Variants in KIRREL3 observed in about 807,000 individuals in gnomAD.
The protein encoded by KIRREL3 is kirre like nephrin family adhesion molecule 3.
In KIRREL3, 36 loss-of-function variants were observed where a neutral mutation model predicts 89.7. The observed-to-expected ratio is 0.40, with a 90% CI of 0.31 to 0.53. KIRREL3 has a LOEUF of 0.53. KIRREL3 is among the 20% of genes least tolerant of loss of function. The pLI, the probability that KIRREL3 is intolerant of heterozygous loss-of-function variation, is 0.49. For missense variants in KIRREL3, 864 were observed against 1,056.6 expected (o/e 0.82, Z 2.53); for synonymous variants, 445 against 441.4 (o/e 1.01, Z -0.10).
Position 126,903,480 on chromosome 11 carries a change from A to G in KIRREL3, c.55+96975T>C, listed in dbSNP as rs1295928185. Among the ~76,000 whole-genome samples, 3 of 152,222 alleles carry G rather than the reference A, an allele frequency of 2.0e-5. No individual in the cohort carries two copies. The highest frequency in any genetic ancestry group is 4.4e-5 in the Non-Finnish European group (3 of 68,032). On this transcript the variant is annotated intron_variant, in intron 1 of 16. Coordinates refer to ENST00000525144, the MANE Select transcript of KIRREL3 (RefSeq NM_032531.4). The surrounding 1 kb of genome is among the most constrained non-coding windows in gnomAD (Gnocchi z 4.5). ...ATGAATTTGAAAACTCAGCAAAGCA[A>G]GGAGAGCTGAGCGTTTTTCCGACTT...
At chr11:126,937,057 C>A (rs1948219478) in intron 1 of KIRREL3, 1 of 152,140 alleles carries the variant, frequency 6.6e-6, no homozygotes, top group African/African-American at 2.4e-5. Flanking sequence ...TTCAGGAATA[C>A]CTCCTGCTGT....
intron 1 of KIRREL3, among the ~76,000 whole-genome samples, chr11:126,813,842 C>T (rs866236263): frequency 3.2e-4 from 48 of 150,540 alleles, no homozygotes; most frequent in African/African-American, 1.0e-3. Flanking sequence ...CCATTCAGAA[C>T]ATAGGCACAT....
chr11:126,768,114 A>T lies in KIRREL3; in HGVS notation c.56-205202T>A, dbSNP rs1213124219. Reference sequence around the variant, plus strand: ...CATTCATTATTTCATCCATCTGTCCATCCATCTGTCTATCCATCTATCCAT... The same window carrying T: ...CATTCATTATTTCATCCATCTGTCCTTCCATCTGTCTATCCATCTATCCAT... On this transcript the variant is annotated intron_variant, in intron 1 of 16. Coordinates refer to ENST00000525144, the MANE Select transcript of KIRREL3 (RefSeq NM_032531.4). The surrounding 1 kb of genome is among the most constrained non-coding windows in gnomAD (Gnocchi z 4.5). Among the ~76,000 whole-genome samples the T allele has an allele frequency of 1.3e-5, 2 of 151,280 alleles. No individual in the cohort carries two copies. The highest frequency in any genetic ancestry group is 4.9e-5 in the African/African-American group (2 of 40,940).
Position 126,520,980 on chromosome 11 carries a change from G to C in KIRREL3, c.433+335C>G, listed in dbSNP as rs1020929301. Among the ~76,000 whole-genome samples, 2 of 152,202 alleles carry C rather than the reference G, an allele frequency of 1.3e-5. No individual in the cohort carries two copies. Among genetic ancestry groups the C allele is most frequent in the African/African-American group, 4.8e-5 (2 of 41,464 alleles). On this transcript the variant is annotated intron_variant, in intron 4 of 16. Coordinates refer to ENST00000525144, the MANE Select transcript of KIRREL3 (RefSeq NM_032531.4). This position sits in a 1 kb window ranked among gnomAD's most constrained non-coding sequence, Gnocchi z 4.9. ...CCTGTGCCACATTCTTCCTGGCACG[G>C]AGCCTAGCCTAGATAACGTGTGCAG...
At position 126,528,772 on chromosome 11, in the gene KIRREL3, G is replaced by T. The variant is rs75419633; in HGVS notation, c.134-2085C>A. Among the ~76,000 whole-genome samples, 1 of 150,448 alleles carries T rather than the reference G, an allele frequency of 6.6e-6. No individual in the cohort carries two copies. On this transcript the variant is annotated intron_variant, in intron 2 of 16. Transcript: ENST00000525144. The surrounding 1 kb of genome is among the most constrained non-coding windows in gnomAD (Gnocchi z 4.6). ...AGGGAGGGACTGGAGAGAGAGCAAA[G>T]GAGTGAAGTGAGGACGTGGGAGAGA... is the stretch of plus-strand genomic sequence containing the variant.
At chr11:126,852,411 T>C (rs1944375334) in intron 1 of KIRREL3, among the ~76,000 whole-genome samples, 1 of 152,160 alleles carries the variant, frequency 6.6e-6, no homozygotes, top group African/African-American at 2.4e-5. Context: ...GGACCAATCA[T>C]CTAATCTCTC....
intron 1 of KIRREL3, among the ~76,000 whole-genome samples, chr11:126,582,414 T>C (rs976438379): frequency 1.3e-5 from 2 of 152,220 alleles, no homozygotes; most frequent in Non-Finnish European, 2.9e-5. Context: ...CGCATTCCCC[T>C]GATGCTGCCG....
chr11:126,963,720 G>A (rs1470716223), intron 1 of KIRREL3, among the ~76,000 whole-genome samples: 2 of 152,080 alleles, frequency 1.3e-5, no homozygotes, highest in African/African-American at 4.8e-5. Flanking sequence ...CTACACTTAT[G>A]AAATGTGTTT....
chr11:126,961,439 A>C (rs1949083958), intron 1 of KIRREL3, among the ~76,000 whole-genome samples: 1 of 152,194 alleles, frequency 6.6e-6, no homozygotes, highest in African/African-American at 2.4e-5. Flanking sequence ...TAGAAGATGA[A>C]ATCAACCACA....
In KIRREL3 at chr11:126,528,232, C is replaced by A. The variant is rs924026726; in HGVS notation, c.134-1545G>T. ...GCTGCTGATGCTGTGGCCTCTCCTC[C>A]CCAACCCGGGAGAGTCAGGGGCAGC... On this transcript the variant is annotated intron_variant, in intron 2 of 16. Coordinates refer to ENST00000525144, the MANE Select transcript of KIRREL3 (RefSeq NM_032531.4). The surrounding 1 kb of genome is among the most constrained non-coding windows in gnomAD (Gnocchi z 4.6). Among the ~76,000 whole-genome samples the A allele has an allele frequency of 6.6e-6, 1 of 152,230 alleles. No individual in the cohort carries two copies. Among genetic ancestry groups the A allele is most frequent in the African/African-American group, 2.4e-5 (1 of 41,448 alleles).
Position 126,740,044 on chromosome 11 carries a change from GAAGA to G in KIRREL3, c.56-177136_56-177133del, listed in dbSNP as rs978536865. Among the ~76,000 whole-genome samples the G allele has an allele frequency of 1.3e-5, 2 of 152,136 alleles. No individual in the cohort carries two copies. The highest frequency in any genetic ancestry group is 4.8e-5 in the African/African-American group (2 of 41,440). On this transcript the variant is annotated intron_variant, in intron 1 of 16. Coordinates refer to ENST00000525144, the MANE Select transcript of KIRREL3 (RefSeq NM_032531.4). This position sits in a 1 kb window ranked among gnomAD's most constrained non-coding sequence, Gnocchi z 6.0. ...GGAGGGAGGGGGCAGAGAAAGAAAG[GAAGA>G]AAGAAAGAAACAGCTGATTTAAAAT...
At chr11:126,442,556 T>C (rs1015199840) in intron 10 of KIRREL3, among the ~76,000 whole-genome samples, 3 of 152,204 alleles carry the variant, frequency 2.0e-5, no homozygotes, top group Non-Finnish European at 4.4e-5. Flanking sequence ...TGTGCCAATT[T>C]CTTTCCCAAA....
intron 1 of KIRREL3, among the ~76,000 whole-genome samples, chr11:126,619,176 G>A (rs981273512): frequency 2.0e-5 from 3 of 152,258 alleles, no homozygotes; most frequent in Admixed American, 6.5e-5. Flanking sequence ...TAGCAACTGA[G>A]TTGAGATCTG....
chr11:126,867,716 A>G lies in KIRREL3; in HGVS notation c.55+132739T>C, dbSNP rs1200977874. 6.6e-6 allele frequency among the ~76,000 whole-genome samples: 1 copy of G among 152,230 alleles called. No homozygotes were observed. Among genetic ancestry groups the G allele is most frequent in the African/African-American group, 2.4e-5 (1 of 41,470 alleles). On this transcript the variant is annotated intron_variant, in intron 1 of 16. Transcript: ENST00000525144. The surrounding 1 kb of genome is among the most constrained non-coding windows in gnomAD (Gnocchi z 4.7). ...TGGATACTTATTTAAAGCTACATTC[A>G]GCTAGGATGTAAGTTGGCCAGAATC...
At chr11:126,634,410 A>G (rs879164) in intron 1 of KIRREL3, among the ~76,000 whole-genome samples, 21,755 of 152,178 alleles carry the variant, frequency 0.14, 1,727 homozygotes, top group East Asian at 0.32. Context: ...TGCTCATCAC[A>G]ATACCATAGT....
chr11:126,663,348 G>T (rs1253107241), intron 1 of KIRREL3, among the ~76,000 whole-genome samples: 2 of 151,872 alleles, frequency 1.3e-5, no homozygotes, highest in Non-Finnish European at 2.9e-5. Context: ...ACCACACCCG[G>T]CTAATTTTTT....
Position 126,893,995 on chromosome 11 carries a change from G to C in KIRREL3, c.55+106460C>G, listed in dbSNP as rs189565106. ...TGTGGCTGTAGATAATGAGATGGCG[G>C]GTATGACAGTGTTGAGATTCAAGCA... On this transcript the variant is annotated intron_variant, in intron 1 of 16. Transcript: ENST00000525144. Among the ~76,000 whole-genome samples the C allele has an allele frequency of 6.6e-3, 1,003 of 152,234 alleles. 8 individuals are homozygous for C. The highest frequency in any genetic ancestry group is 0.022 in the African/African-American group (908 of 41,548).
At chr11:126,801,660 G>A (rs757902648) in intron 1 of KIRREL3, among the ~76,000 whole-genome samples, 16 of 152,152 alleles carry the variant, frequency 1.1e-4, no homozygotes, top group East Asian at 1.9e-4. Flanking sequence ...CCATTTCTTC[G>A]TCTGTGAGAT....
chr11:126,721,934 G>A (rs1592019843), intron 1 of KIRREL3, among the ~76,000 whole-genome samples: 2 of 152,192 alleles, frequency 1.3e-5, no homozygotes, highest in Non-Finnish European at 2.9e-5. Context: ...GCCTTTTTGT[G>A]TTCCAGAACC....
Sources: gnomAD v4.1 joint callset for allele counts (sites outside exome capture counted in the v4.1 genomes callset) on GRCh38, gnomAD v4.1.1 for gene constraint, Gnocchi (gnomAD v3.1) non-coding constraint, MANE v1.5 for transcripts, NCBI Gene and HGNC (gene_info 2026-07-23, HGNC 2026-07-21) for gene names.